The following UNC13C variants were observed in gnomAD, a reference collection of about 807,000 sequenced individuals.
UNC13C encodes unc-13 homolog C.
Under a neutral mutation model 245.4 loss-of-function variants are expected in UNC13C, and 174 were observed. The observed-to-expected ratio is 0.71, with a 90% confidence interval of 0.63 to 0.80. The LOEUF (loss-of-function observed/expected upper bound fraction) is 0.80. Among genes scored for constraint, UNC13C ranks in the 30% least tolerant of loss-of-function variants. UNC13C has a pLI of 0.00. For missense variants in UNC13C, 2,829 were observed against 2,602.9 expected (o/e 1.09, Z -1.89); for synonymous variants, 992 against 895.1 (o/e 1.11, Z -1.93).
intron 4 of UNC13C, among the ~76,000 whole-genome samples, chr15:54,228,964 A>G (rs2035472250): frequency 6.6e-6 from 1 of 152,292 alleles, no homozygotes; most frequent in South Asian, 2.1e-4. Context: ...AAGTTTATTT[A>G]GGACCCAACA....
At chr15:53,898,589 G>T in the UNC13C span, among the ~76,000 whole-genome samples, 1 of 152,164 alleles carries the variant, frequency 6.6e-6, no homozygotes, top group African/African-American at 2.4e-5. Context: ...GGCTCCCCAA[G>T]GGAGCAGGGA....
chr15:53,941,541 G>A, the UNC13C span, among the ~76,000 whole-genome samples: 1 of 152,004 alleles, frequency 6.6e-6, no homozygotes, highest in Non-Finnish European at 1.5e-5. Flanking sequence ...TGTAATCTAT[G>A]CATCTGACAA....
At chr15:54,258,327 A>T (rs1367624717) in intron 8 of UNC13C, among the ~76,000 whole-genome samples, 1 of 152,118 alleles carries the variant, frequency 6.6e-6, no homozygotes, top group Non-Finnish European at 1.5e-5. Flanking sequence ...TCAAGTGATT[A>T]TGCAGCTCAA....
In UNC13C at chr15:54,364,085, A is replaced by G. The variant is rs556504555; in HGVS notation, c.4713+25596A>G. Among the ~76,000 whole-genome samples the G allele has an allele frequency of 8.5e-5, 13 of 152,348 alleles. No individual in the cohort carries two copies. The South Asian group carries it at 2.5e-3, about 29-fold the overall frequency. ...TTGGAAACTCCAGCTTGACCTTTAC[A>G]TATTGCTGGAGAACAGAAACATCAG... is the stretch of plus-strand genomic sequence containing the variant. On this transcript the variant is annotated intron_variant, in intron 17 of 32. Transcript: ENST00000260323.
At chr15:54,351,446 C>G (rs1369900205) in intron 17 of UNC13C, among the ~76,000 whole-genome samples, 2 of 152,120 alleles carry the variant, frequency 1.3e-5, no homozygotes, top group Non-Finnish European at 2.9e-5. Context: ...TGTAAAAAAT[C>G]TGTTTAAGAA....
At chr15:54,051,820 T>C (rs1250798995) in intron 2 of UNC13C, among the ~76,000 whole-genome samples, 7 of 150,422 alleles carry the variant, frequency 4.7e-5, no homozygotes, top group African/African-American at 1.7e-4. Flanking sequence ...TGCAGGTTAG[T>C]TACATATGTA....
intron 17 of UNC13C, among the ~76,000 whole-genome samples, chr15:54,357,853 T>G (rs980436385): frequency 1.3e-5 from 2 of 151,652 alleles, no homozygotes; most frequent in Non-Finnish European, 2.9e-5. Flanking sequence ...CACACATATA[T>G]GTGTGTGTGT....
chr15:54,468,995 A>G (rs1047931577), intron 19 of UNC13C, among the ~76,000 whole-genome samples: 1 of 151,580 alleles, frequency 6.6e-6, no homozygotes, highest in African/African-American at 2.4e-5. Context: ...ATATTTATAG[A>G]CATTTTGCTG....
chr15:53,924,260 C>T, the UNC13C span, among the ~76,000 whole-genome samples: 2 of 152,214 alleles, frequency 1.3e-5, no homozygotes, highest in East Asian at 1.9e-4. Flanking sequence ...GATAGCACGG[C>T]ACAGTTCAGT....
In UNC13C at chr15:54,012,984, A is replaced by G. The variant is rs778510394; in HGVS notation, c.81A>G (p.Gly27=). The change falls in exon 2 of 33, where the codon GGA becomes GGG. Residue 27 remains glycine (G), a synonymous_variant. Coordinates refer to ENST00000260323, the MANE Select transcript of UNC13C (RefSeq NM_001080534.3). ...AAGGAATGTTTACAAAGAAATTGGG[A>G]AATACAAACAAAAACAAAGAGTATC... ...LCKGMFTKKL[G]NTNKNKEYRQ... is the part of the protein sequence containing the mutation. 2 of 1,613,878 alleles carry G rather than the reference A, an allele frequency of 1.2e-6. No homozygotes were observed. Among genetic ancestry groups the G allele is most frequent in the Non-Finnish European group, 1.7e-6 (2 of 1,179,834 alleles).
At chr15:54,324,968 T>A (rs1030260545) in intron 14 of UNC13C, among the ~76,000 whole-genome samples, 1 of 151,804 alleles carries the variant, frequency 6.6e-6, no homozygotes, top group African/African-American at 2.4e-5. Flanking sequence ...TTATGCATGA[T>A]TTTTTTTATT....
intron 2 of UNC13C, among the ~76,000 whole-genome samples, chr15:54,053,350 A>G (rs935823109): frequency 6.6e-6 from 1 of 152,058 alleles, no homozygotes; most frequent in African/African-American, 2.4e-5. Context: ...CTTATTCTTA[A>G]CTCAGAATGT....
Position 54,494,799 on chromosome 15 carries a change from G to A in UNC13C, c.5060+65G>A. The A allele has an allele frequency of 3.5e-5, 55 of 1,551,970 alleles. No homozygotes were observed. The South Asian group carries it at 6.0e-4, about 17-fold the overall frequency. The stretch of plus-strand genomic sequence containing the variant: ...TTCACATTCCTGTAAAATTACACCT[G>A]AATTGTGTACCACTAAAATCTCTTC... On this transcript the variant is annotated intron_variant, in intron 20 of 32. Coordinates refer to ENST00000260323, the MANE Select transcript of UNC13C (RefSeq NM_001080534.3).
At chr15:54,573,916 G>A (rs1279604174) in intron 30 of UNC13C, among the ~76,000 whole-genome samples, 1 of 152,164 alleles carries the variant, frequency 6.6e-6, no homozygotes, top group Non-Finnish European at 1.5e-5. Flanking sequence ...TTTGGTCTGA[G>A]GAGACAGAAA....
chr15:54,335,869 T>C (rs925275310), intron 16 of UNC13C, among the ~76,000 whole-genome samples: 2 of 152,180 alleles, frequency 1.3e-5, no homozygotes, highest in African/African-American at 4.8e-5. Context: ...GTTCCTTGGG[T>C]TAAATCCTCA....
chr15:54,386,653 G>A (rs1211923746), intron 17 of UNC13C, among the ~76,000 whole-genome samples: 1 of 152,178 alleles, frequency 6.6e-6, no homozygotes, highest in Non-Finnish European at 1.5e-5. Flanking sequence ...ACTTGTTGAT[G>A]CAGAGATTGT....
intron 2 of UNC13C, among the ~76,000 whole-genome samples, chr15:54,132,174 C>T (rs545869692): frequency 1.2e-3 from 178 of 149,232 alleles, no homozygotes; most frequent in African/African-American, 4.3e-3. Flanking sequence ...TTACTTATGC[C>T]GTTCTCCTCC....
chr15:54,471,631 G>C (rs1158566819), intron 19 of UNC13C, among the ~76,000 whole-genome samples: 3 of 151,148 alleles, frequency 2.0e-5, no homozygotes, highest in Admixed American at 2.0e-4. Context: ...TAGCATATAG[G>C]TATAGTCTAA....
At chr15:54,502,248 T>C (rs1354639434) in intron 22 of UNC13C, among the ~76,000 whole-genome samples, 1 of 152,076 alleles carries the variant, frequency 6.6e-6, no homozygotes, top group Non-Finnish European at 1.5e-5. Context: ...AAAACTTGTA[T>C]GGAAGGGCCA....
Sources: allele counts gnomAD v4.1 joint callset (sites outside exome capture counted in the v4.1 genomes callset), GRCh38; gene constraint gnomAD v4.1.1; transcripts MANE v1.5; gene names NCBI Gene and HGNC (gene_info 2026-07-23, HGNC 2026-07-21).